Variants in ATF5 observed in about 807,000 individuals in gnomAD.
ATF5 encodes the protein activating transcription factor 5.
ATF5 carries 6 observed loss-of-function variants against 4.6 expected under a neutral mutation model. That is an observed-to-expected ratio of 1.31 (90% CI 0.72 to 2.59). The LOEUF is 2.59. Among genes scored for constraint, ATF5 ranks in the 30% most tolerant of loss-of-function variants. The probability of loss-of-function intolerance (pLI) is 0.00; values close to 1 mark genes in which losing one functional copy is unlikely to be tolerated. For synonymous variants in ATF5, 193 were observed against 165.0 expected (o/e 1.17, Z -1.30); for missense variants, 410 against 368.7 (o/e 1.11, Z -0.92).
rs748077258 is a variant in ATF5 at position 49,933,019 on chromosome 19, G to A, written c.776G>A (p.Arg259His). Residue 259 changes from arginine to histidine, a missense_variant, in exon 3 of 3, where the codon CGC (arginine) becomes CAC (histidine). Coordinates refer to ENST00000423777, the MANE Select transcript of ATF5 (RefSeq NM_001193646.2). ...AAGGAACGGGCAGAGTCCGTGGAGC[G>A]CGAGATCCAGTACGTCAAGGACCTG... ...ELKERAESVE[R>H]EIQYVKDLLI... is the part of the protein sequence containing the mutation. 23 of 1,613,644 alleles carry A rather than the reference G, an allele frequency of 1.4e-5. No homozygotes were observed. Among genetic ancestry groups the A allele is most frequent in the South Asian group, 8.8e-5 (8 of 91,044 alleles).
rs1568735747 is a variant in ATF5, at chr19:49,933,156, T to C, written c.*64T>C. ...TCTGGCGCCTTCATCCCCCTGCCTC[T>C]ACCTTCATTCCAAACCCCTCTCGGC... is the stretch of plus-strand genomic sequence containing the variant. On this transcript the variant is annotated 3_prime_UTR_variant, in exon 3 of 3. Coordinates refer to ENST00000423777, the MANE Select transcript of ATF5 (RefSeq NM_001193646.2). The C allele has an allele frequency of 2.0e-6, 3 of 1,465,272 alleles. No homozygotes were observed. Among genetic ancestry groups the C allele is most frequent in the Non-Finnish European group, 1.8e-6 (2 of 1,098,218 alleles). The allele number at this position is 1,465,272 out of a possible 1,614,324, so 90.8% of individuals were successfully genotyped here. A position where few individuals can be genotyped will look rare whatever the true frequency, so the allele number is the denominator to read the frequency against.
At position 49,933,266 on chromosome 19, in the gene ATF5, G is replaced by C. The variant is rs2076086369; in HGVS notation, c.*174G>C. The C allele has an allele frequency of 1.8e-5, 11 of 627,876 alleles. No homozygotes were observed. Among genetic ancestry groups the C allele is most frequent in the Middle Eastern group, 4.4e-4 (1 of 2,280 alleles). The allele number at this position is 627,876 out of a possible 1,614,324, so 38.9% of individuals were successfully genotyped here. A position where few individuals can be genotyped will look rare whatever the true frequency, so the allele number is the denominator to read the frequency against. On this transcript the variant is annotated 3_prime_UTR_variant, in exon 3 of 3. Transcript: ENST00000423777. ...GTTTGAGGCCAGGAGGTCAATACCA[G>C]CCTGGGCAACATAGTAAGACCCTGT... is the stretch of plus-strand genomic sequence containing the variant.
In ATF5 at chr19:49,932,451, C is replaced by T. The variant is rs771502684; in HGVS notation, c.208C>T (p.Arg70Ter). The T allele has an allele frequency of 5.0e-6, 8 of 1,613,608 alleles. No homozygotes were observed. The highest frequency in any genetic ancestry group is 1.1e-5 in the South Asian group (1 of 91,078). Residue 70 changes from arginine (R) to a stop codon, truncating the protein, a stop_gained, in exon 3 of 3, where the codon CGA (arginine) becomes TGA (stop). Coordinates refer to ENST00000423777, the MANE Select transcript of ATF5 (RefSeq NM_001193646.2). LOFTEE classifies it low-confidence loss of function (END_TRUNC). ...GDGFSDWMTE[R>*]VDFTALLPLE... ...TGGCTTCTCTGACTGGATGACTGAG[C>T]GAGTTGATTTCACAGCTCTCCTCCC... is the stretch of plus-strand genomic sequence containing the variant.
rs754987605 is a variant in ATF5 at position 49,932,883 on chromosome 19, AAG to A, written c.646_647del (p.Asp216ProfsTer18). On this transcript the variant is annotated frameshift_variant, in exon 3 of 3. Coordinates refer to ENST00000423777, the MANE Select transcript of ATF5 (RefSeq NM_001193646.2). LOFTEE classifies it high-confidence loss of function. ...CACCCGAGGGGACCGCAAGCAAAAG[AAG>A]AGAGACCAGAACAAGTCGGCGGCTC... Reference protein sequence around the residue: ...ATTRGDRKQKKRDQNKSAALR... With the variant: ...ATTRGDRKQKXRDQNKSAALR... 2 of 1,613,504 alleles carry A rather than the reference AAG, an allele frequency of 1.2e-6. No individual in the cohort carries two copies. The highest frequency in any genetic ancestry group is 1.7e-4 in the Middle Eastern group (1 of 6,060).
At chr19:49,930,432 G>A (rs530628720) in intron 1 of ATF5, 1 of 163,756 alleles carries the variant, frequency 6.1e-6, no homozygotes, top group Non-Finnish European at 1.3e-5. Context: ...AGGGGCCTAA[G>A]GTAATTCCCC....
Position 49,933,355 on chromosome 19 carries a change from T to TA in ATF5, c.*264dup, listed in dbSNP as rs780235018. 20 of 385,662 alleles carry TA rather than the reference T, an allele frequency of 5.2e-5. 1 individual carries two copies. The highest frequency in any genetic ancestry group is 8.3e-5 in the Non-Finnish European group (18 of 215,978). The allele number at this position is 385,662 out of a possible 1,614,324, so 23.9% of individuals were successfully genotyped here. On this transcript the variant is annotated 3_prime_UTR_variant, in exon 3 of 3. Transcript: ENST00000423777. ...AAACCACCCAACTCCTCTCTACTCT[T>TA]ATCCTTTTATCCTCTGTCTCTGCTT...
rs1452304021 is a variant in ATF5, at chr19:49,933,079, C to T, written c.836C>T (p.Thr279Ile). ...IEVYKARSQR[T>I]RSC Reference sequence around the variant, plus strand: ...GTTTACAAGGCCCGGAGCCAGAGGACCCGTAGCTGCTAGAAGGGCAGGGGT... The same window carrying T: ...GTTTACAAGGCCCGGAGCCAGAGGATCCGTAGCTGCTAGAAGGGCAGGGGT... The change falls in exon 3 of 3, where the codon ACC becomes ATC. Residue 279 changes from threonine (T) to isoleucine (I), a missense_variant. By Grantham distance (89) the Thr-to-Ile change is moderately conservative. Transcript: ENST00000423777. The T allele has an allele frequency of 6.3e-7, 1 of 1,590,306 alleles. No individual in the cohort carries two copies. The highest frequency in any genetic ancestry group is 2.3e-5 in the East Asian group (1 of 44,434).
chr19:49,931,008 TG>T lies in ATF5; in HGVS notation c.164del (p.Gly55GlufsTer13). The T allele has an allele frequency of 3.2e-6, 5 of 1,554,266 alleles. No individual in the cohort carries two copies. Among genetic ancestry groups the T allele is most frequent in the Admixed American group, 2.0e-5 (1 of 49,630 alleles). ...GGAGCCCTGGAGGGCGGGCTTCCAG[TG>T]GGGGGAGAGCCCCTGGCAGGTAAGG... ...LGGALEGGLP[V>X]GGEPLAGDGF... On this transcript the variant is annotated frameshift_variant, in exon 2 of 3. Transcript: ENST00000423777. LOFTEE classifies it low-confidence loss of function (END_TRUNC).
At chr19:49,931,064 G>A (rs770565451) in intron 2 of ATF5, 36 bp downstream of exon 2, 4 of 1,460,042 alleles carry the variant, frequency 2.7e-6, no homozygotes, top group Non-Finnish European at 3.6e-6. Context: ...GGGGAGTGGA[G>A]GGCAGGGGAA....
rs556360825 is a variant in ATF5, at chr19:49,932,444, G to A, written c.201G>A (p.Met67Ile). The A allele has an allele frequency of 6.2e-7, 1 of 1,613,784 alleles. No individual in the cohort carries two copies. The highest frequency in any genetic ancestry group is 1.1e-5 in the South Asian group (1 of 91,052). ...CAGGTGATGGCTTCTCTGACTGGAT[G>A]ACTGAGCGAGTTGATTTCACAGCTC... ...PLAGDGFSDW[M>I]TERVDFTALL... The change falls in exon 3 of 3, where the codon ATG (methionine) becomes ATA (isoleucine). Residue 67 changes from methionine to isoleucine, a missense_variant. Met to Ile is a conservative substitution (Grantham distance 10, BLOSUM62 1). Transcript: ENST00000423777.
Position 49,933,324 on chromosome 19 carries a change from C to T in ATF5, c.*232C>T, listed in dbSNP as rs2076086857. The T allele has an allele frequency of 2.2e-6, 1 of 446,572 alleles. No individual in the cohort carries two copies. Among genetic ancestry groups the T allele is most frequent in the East Asian group, 3.4e-5 (1 of 29,320 alleles). 27.7% of individuals were successfully genotyped at this position (446,572 alleles called of 1,614,324 possible). ...AAAAAAAAAAAATCAACCCTTCTTC[C>T]CCACCAAACCACCCAACTCCTCTCT... is the stretch of plus-strand genomic sequence containing the variant. On this transcript the variant is annotated 3_prime_UTR_variant, in exon 3 of 3. Transcript: ENST00000423777.
In ATF5 at chr19:49,932,661, T is replaced by TCC; in HGVS notation, c.420_421dup (p.Leu141ProfsTer84). On this transcript the variant is annotated frameshift_variant, in exon 3 of 3. Coordinates refer to ENST00000423777, the MANE Select transcript of ATF5 (RefSeq NM_001193646.2). LOFTEE classifies it low-confidence loss of function (END_TRUNC). ...ACCACCACCACTACCACCAGCCCCC[T>TCC]CCCTCCCCCTGTCCCTCCCCTCCTT... 1.3e-6 allele frequency: 1 copy of TCC among 756,788 alleles called. No individual in the cohort carries two copies. The allele number at this position is 756,788 out of a possible 1,614,324, so 46.9% of individuals were successfully genotyped here. A position where few individuals can be genotyped will look rare whatever the true frequency, so the allele number is the denominator to read the frequency against.
chr19:49,931,135 G>A (rs775396257), intron 2 of ATF5, 107 bp downstream of exon 2: 17 of 1,074,120 alleles, frequency 1.6e-5, no homozygotes, highest in Non-Finnish European at 2.1e-5. Context: ...CAATGTGCCA[G>A]GCACTGTTTT....
Position 49,931,845 on chromosome 19 carries a change from C to G in ATF5, c.179-577C>G, listed in dbSNP as rs181977368. On this transcript the variant is annotated intron_variant, in intron 2 of 2. Coordinates refer to ENST00000423777, the MANE Select transcript of ATF5 (RefSeq NM_001193646.2). ...AAACAAGGCATATGTGCGTGTGTATCTGTGTGTGTAATGTGATCTAGTTTG... is the reference window on the plus strand; with the variant it reads ...AAACAAGGCATATGTGCGTGTGTATGTGTGTGTGTAATGTGATCTAGTTTG... Among the ~76,000 whole-genome samples the G allele has an allele frequency of 1.3e-4, 20 of 150,786 alleles. No individual in the cohort carries two copies. In the East Asian group the frequency reaches 2.1e-3, roughly 16 times the overall value.
intron 2 of ATF5, among the ~76,000 whole-genome samples, chr19:49,931,882 G>C (rs283524): frequency 0.83 from 125,744 of 150,876 alleles, 52,852 homozygotes; most frequent in East Asian, 0.96. Flanking sequence ...CTTTTAAAAA[G>C]AGAGAATAGA....
At chr19:49,931,136 G>A in intron 2 of ATF5, 108 bp downstream of exon 2, 1 of 1,069,918 alleles carries the variant, frequency 9.3e-7, no homozygotes, top group Non-Finnish European at 1.3e-6. Context: ...AATGTGCCAG[G>A]CACTGTTTTA....
In ATF5 at chr19:49,932,916, T is replaced by G. The variant is rs2076081487; in HGVS notation, c.673T>G (p.Tyr225Asp). 1.2e-6 allele frequency: 2 copies of G among 1,613,558 alleles called. No individual in the cohort carries two copies. The highest frequency in any genetic ancestry group is 4.5e-5 in the East Asian group (2 of 44,840). ...RDQNKSAALR[Y>D]RQRKRAEGEA... is the part of the protein sequence containing the mutation. Reference sequence around the variant, plus strand: ...CCAGAACAAGTCGGCGGCTCTGAGGTACCGCCAGCGGAAGCGGGCAGAGGG... The same window carrying G: ...CCAGAACAAGTCGGCGGCTCTGAGGGACCGCCAGCGGAAGCGGGCAGAGGG... The change falls in exon 3 of 3, where the codon TAC (tyrosine) becomes GAC (aspartate). Residue 225 changes from tyrosine to aspartate, a missense_variant. By Grantham distance (160) the Tyr-to-Asp change is radical. Transcript: ENST00000423777.
intron 1 of ATF5, chr19:49,929,601 ATG>A (rs1300801483): frequency 6.6e-6 from 1 of 150,994 alleles, no homozygotes; most frequent in African/African-American, 2.4e-5. Context: ...TCTAGACTCG[ATG>A]TTTGTCAGCC....
At position 49,930,855 on chromosome 19, in the gene ATF5, C is replaced by T; in HGVS notation, c.5C>T (p.Ser2Leu). The change falls in exon 2 of 3, where the codon TCA becomes TTA. Residue 2 changes from serine (S) to leucine (L), a missense_variant. Ser to Leu is a moderately radical substitution (Grantham distance 145). Coordinates refer to ENST00000423777, the MANE Select transcript of ATF5 (RefSeq NM_001193646.2). The stretch of plus-strand genomic sequence containing the variant: ...CCCAGCACCTGTGCTACAGCCATGT[C>T]ACTCCTGGCGACCCTGGGGCTGGAG... M[S>L]LLATLGLELD... The T allele has an allele frequency of 1.9e-6, 3 of 1,587,524 alleles. No homozygotes were observed. Among genetic ancestry groups the T allele is most frequent in the South Asian group, 2.3e-5 (2 of 88,300 alleles).
Sources: gnomAD v4.1 joint callset for allele counts (sites outside exome capture counted in the v4.1 genomes callset) on GRCh38, gnomAD v4.1.1 for gene constraint, MANE v1.5 for transcripts, NCBI Gene and HGNC (gene_info 2026-07-23, HGNC 2026-07-21) for gene names.